Variants in PHF14 observed in about 807,000 individuals in gnomAD.
PHF14 encodes the protein PHD finger protein 14.
A neutral mutation model predicts 117.9 loss-of-function variants in PHF14; 55 were observed. The ratio of observed to expected loss-of-function variants is 0.47; its 90% CI spans 0.38 to 0.58. The LOEUF is 0.58. PHF14 is among the 20% of genes least tolerant of loss of function. The pLI, the probability that PHF14 is intolerant of heterozygous loss-of-function variation, is 0.00. For missense variants in PHF14, 978 were observed against 1,122.2 expected (o/e 0.87, Z 1.84); for synonymous variants, 409 against 368.6 (o/e 1.11, Z -1.26).
chr7:11,095,963 C>T (rs900221278), intron 16 of PHF14, among the ~76,000 whole-genome samples: 9 of 152,040 alleles, frequency 5.9e-5, no homozygotes, highest in African/African-American at 1.9e-4. Context: ...TGGGGCTATA[C>T]TCTGAATTCA....
In PHF14 at chr7:10,973,979, TA is replaced by T; in HGVS notation, c.-342del. On this transcript the variant is annotated 5_prime_UTR_variant, in exon 1 of 18. Transcript: ENST00000634607. ...TTTCGTTGCTTCTGGTCCAGGCTAA[TA>T]AAGTTTTTCTTTCTTTAATTTTTTT... The T allele has an allele frequency of 3.8e-6, 1 of 263,960 alleles. No homozygotes were observed. Among genetic ancestry groups the T allele is most frequent in the South Asian group, 5.4e-5 (1 of 18,530 alleles). The allele number at this position is 263,960 out of a possible 1,614,324, so 16.4% of individuals were successfully genotyped here.
intron 9 of PHF14, 146 bp from the exon 10 acceptor site, chr7:11,036,839 C>A: frequency 1.1e-6 from 1 of 950,798 alleles, no homozygotes; most frequent in Non-Finnish European, 1.6e-6. Flanking sequence ...TGGGTTTTTA[C>A]AAAATGCTAG....
chr7:10,976,762 G>T (rs918931428), intron 2 of PHF14, among the ~76,000 whole-genome samples: 9 of 151,184 alleles, frequency 6.0e-5, no homozygotes, highest in Non-Finnish European at 1.2e-4. Context: ...GATGAGTTTT[G>T]TTAGGTTGAT....
chr7:11,055,785 G>A (rs1458696175), intron 14 of PHF14, among the ~76,000 whole-genome samples: 1 of 152,030 alleles, frequency 6.6e-6, no homozygotes, highest in Non-Finnish European at 1.5e-5. Context: ...ATTTAATAAT[G>A]TTTAAGCTTA....
At chr7:11,074,209 T>C (rs1372696533) in intron 16 of PHF14, among the ~76,000 whole-genome samples, 1 of 151,472 alleles carries the variant, frequency 6.6e-6, no homozygotes, top group East Asian at 2.0e-4. Flanking sequence ...CTTTTTTTTC[T>C]TTTTTTCTTT....
chr7:11,099,893 G>A lies in PHF14; in HGVS notation c.2655-11457G>A, dbSNP rs370553685. 9.9e-5 allele frequency among the ~76,000 whole-genome samples: 15 copies of A among 152,130 alleles called. No individual in the cohort carries two copies. The East Asian group carries it at 1.5e-3, about 16-fold the overall frequency. ...GCCTAGCATCACTACTAAGCAGCAGGGAATGAGCTTTGTCAAGGATAGAGC... is the reference window on the plus strand; with the variant it reads ...GCCTAGCATCACTACTAAGCAGCAGAGAATGAGCTTTGTCAAGGATAGAGC... On this transcript the variant is annotated intron_variant, in intron 16 of 17. Coordinates refer to ENST00000634607, the MANE Select transcript of PHF14 (RefSeq NM_001007157.2).
At chr7:11,127,709 T>C (rs1044737942) in intron 17 of PHF14, among the ~76,000 whole-genome samples, 1 of 152,110 alleles carries the variant, frequency 6.6e-6, no homozygotes, top group Non-Finnish European at 1.5e-5. Flanking sequence ...TCTTCAGACT[T>C]CTCCTTTAAT....
intron 17 of PHF14, among the ~76,000 whole-genome samples, chr7:11,165,555 A>G (rs1031629177): frequency 1.3e-5 from 2 of 152,206 alleles, no homozygotes; most frequent in South Asian, 2.1e-4. Context: ...TAAACTTGGC[A>G]GTCTACAAGG....
chr7:11,099,805 T>C (rs78821040), intron 16 of PHF14, among the ~76,000 whole-genome samples: 123 of 152,186 alleles, frequency 8.1e-4, no homozygotes, highest in Non-Finnish European at 1.4e-3. Context: ...AAAACAAATA[T>C]ACAGTTTCAA....
chr7:11,067,322 G>T (rs1785458087), intron 16 of PHF14, among the ~76,000 whole-genome samples: 1 of 152,168 alleles, frequency 6.6e-6, no homozygotes, highest in South Asian at 2.1e-4. Context: ...AATAACAGGT[G>T]TTGGCAAGGA....
chr7:10,990,868 C>A, intron 4 of PHF14, 21 bp downstream of exon 4: 1 of 1,542,546 alleles, frequency 6.5e-7, no homozygotes, highest in South Asian at 1.2e-5. Context: ...TTTCTTTTCT[C>A]TCTTTTTAGA....
At chr7:11,162,181 C>G (rs1789064778) in intron 17 of PHF14, among the ~76,000 whole-genome samples, 1 of 139,110 alleles carries the variant, frequency 7.2e-6, no homozygotes, top group African/African-American at 2.6e-5. Context: ...CTCCACCTCC[C>G]AGGTTCAAGC....
At chr7:11,030,826 C>T (rs1784096784) in intron 7 of PHF14, among the ~76,000 whole-genome samples, 3 of 152,092 alleles carry the variant, frequency 2.0e-5, no homozygotes, top group Non-Finnish European at 2.9e-5. Flanking sequence ...TGATTTAAAG[C>T]ATATTTACAT....
chr7:11,050,207 AT>A (rs1473705175), intron 13 of PHF14, among the ~76,000 whole-genome samples: 1 of 152,194 alleles, frequency 6.6e-6, no homozygotes, highest in East Asian at 1.9e-4. Flanking sequence ...AAAGATGTGA[AT>A]TTTGATGGAA....
At chr7:11,154,915 T>G (rs1788798350) in intron 17 of PHF14, among the ~76,000 whole-genome samples, 1 of 151,992 alleles carries the variant, frequency 6.6e-6, no homozygotes, top group African/African-American at 2.4e-5. Flanking sequence ...GAAATTAGAG[T>G]GACATAGGTA....
At chr7:10,979,304 A>G (rs1460689410) in intron 2 of PHF14, among the ~76,000 whole-genome samples, 2 of 152,022 alleles carry the variant, frequency 1.3e-5, no homozygotes. Context: ...AGGAGTTTTT[A>G]AAAATTCTGT....
At chr7:10,981,958 T>C (rs1270243110) in intron 2 of PHF14, among the ~76,000 whole-genome samples, 2 of 152,212 alleles carry the variant, frequency 1.3e-5, no homozygotes, top group African/African-American at 4.8e-5. Context: ...CAAGTCCATA[T>C]AGTTTATAAA....
intron 16 of PHF14, chr7:11,105,595 A>G (rs1303965114): frequency 6.1e-6 from 6 of 984,610 alleles, no homozygotes; most frequent in Non-Finnish European, 7.2e-6. Context: ...TTCCTGACAT[A>G]CGAAGGCAGA....
intron 11 of PHF14, among the ~76,000 whole-genome samples, chr7:11,040,003 A>G (rs868831729): frequency 6.6e-6 from 1 of 152,184 alleles, no homozygotes; most frequent in African/African-American, 2.4e-5. Flanking sequence ...TTAAAATACT[A>G]TCTACCATAA....
Sources: gnomAD v4.1 joint callset for allele counts (sites outside exome capture counted in the v4.1 genomes callset) on GRCh38, gnomAD v4.1.1 for gene constraint, MANE v1.5 for transcripts, NCBI Gene and HGNC (gene_info 2026-07-23, HGNC 2026-07-21) for gene names.